LRRC4C: variants seen among roughly 807,000 people sequenced by gnomAD.
LRRC4C encodes the protein leucine rich repeat containing 4C.
Under a neutral mutation model 33.6 loss-of-function variants are expected in LRRC4C, and 5 were observed. The ratio of observed to expected loss-of-function variants is 0.15; its 90% CI spans 0.08 to 0.31. The LOEUF (loss-of-function observed/expected upper bound fraction) is 0.31, where lower values mean the gene tolerates loss of function less well. Ranked by LOEUF, LRRC4C falls within the 10% of genes least tolerant of loss-of-function variation. The probability of loss-of-function intolerance (pLI) is 1.00; values close to 1 mark genes in which losing one functional copy is unlikely to be tolerated. For synonymous variants in LRRC4C, 329 were observed against 302.0 expected (o/e 1.09, Z -0.93); for missense variants, 560 against 796.7 (o/e 0.70, Z 3.58).
intron 4 of LRRC4C, among the ~76,000 whole-genome samples, chr11:40,250,195 C>T (rs1036970300): frequency 6.6e-6 from 1 of 152,182 alleles, no homozygotes; most frequent in Non-Finnish European, 1.5e-5. Flanking sequence ...ATGACTGTTA[C>T]ATCTTCAGTG....
At chr11:40,958,282 T>C (rs193106859) in intron 1 of LRRC4C, among the ~76,000 whole-genome samples, 1 of 151,920 alleles carries the variant, frequency 6.6e-6, no homozygotes, top group African/African-American at 2.4e-5. Flanking sequence ...CTTTATGCTC[T>C]CACTTTTTTC....
intron 3 of LRRC4C, among the ~76,000 whole-genome samples, chr11:40,356,440 G>A (rs967444978): frequency 6.6e-6 from 1 of 152,152 alleles, no homozygotes; most frequent in African/African-American, 2.4e-5. Context: ...ATTATTCTAT[G>A]ATGTTGTTAT....
intron 1 of LRRC4C, among the ~76,000 whole-genome samples, chr11:40,964,980 C>G (rs1382277410): frequency 1.3e-5 from 2 of 152,088 alleles, no homozygotes; most frequent in Admixed American, 1.3e-4. Flanking sequence ...AGTTTACAGT[C>G]CCACCAACAG....
chr11:41,201,041 T>C (rs1287519258), intron 1 of LRRC4C, among the ~76,000 whole-genome samples: 1 of 152,200 alleles, frequency 6.6e-6, no homozygotes, highest in East Asian at 1.9e-4. Flanking sequence ...TCCAATGTTT[T>C]AAGATGGAGA....
At chr11:41,386,971 A>G (rs1953384744) in intron 1 of LRRC4C, among the ~76,000 whole-genome samples, 1 of 151,750 alleles carries the variant, frequency 6.6e-6, no homozygotes, top group Non-Finnish European at 1.5e-5. Flanking sequence ...TATAGCATTC[A>G]ATTTTTTAGA....
chr11:41,173,539 C>T (rs1945067783), intron 1 of LRRC4C, among the ~76,000 whole-genome samples: 1 of 152,134 alleles, frequency 6.6e-6, no homozygotes, highest in South Asian at 2.1e-4. Context: ...TGCTGTTGCT[C>T]TTACTTCAAG....
intron 1 of LRRC4C, among the ~76,000 whole-genome samples, chr11:41,226,077 T>C (rs1590989603): frequency 6.6e-6 from 1 of 152,312 alleles, no homozygotes; most frequent in Non-Finnish European, 1.5e-5. Flanking sequence ...CAACTGTGAC[T>C]ATAGCTTGTA....
chr11:41,258,477 A>T (rs572602393), intron 1 of LRRC4C, among the ~76,000 whole-genome samples: 1 of 152,036 alleles, frequency 6.6e-6, no homozygotes. Context: ...ATATTATCTC[A>T]TGACATAAGA....
chr11:41,197,954 T>C (rs1946250697), intron 1 of LRRC4C, among the ~76,000 whole-genome samples: 1 of 151,956 alleles, frequency 6.6e-6, no homozygotes, highest in African/African-American at 2.4e-5. Flanking sequence ...GTCACTGCCA[T>C]CACCCCTGTT....
At chr11:40,914,761 C>T (rs1956866974) in intron 2 of LRRC4C, among the ~76,000 whole-genome samples, 1 of 152,200 alleles carries the variant, frequency 6.6e-6, no homozygotes, top group East Asian at 1.9e-4. Flanking sequence ...TCAAATTGTC[C>T]CTGTTTGCAG....
chr11:41,035,751 G>C (rs1378495287), intron 1 of LRRC4C, among the ~76,000 whole-genome samples: 3 of 152,024 alleles, frequency 2.0e-5, no homozygotes, highest in African/African-American at 7.2e-5. Context: ...TGAAACCAAA[G>C]AGCTAAGTAT....
intron 1 of LRRC4C, among the ~76,000 whole-genome samples, chr11:41,389,769 A>T (rs529333204): frequency 6.6e-6 from 1 of 151,986 alleles, no homozygotes; most frequent in Non-Finnish European, 1.5e-5. Flanking sequence ...GGGCAAACAC[A>T]TAACCAAGGC....
At chr11:41,193,235 C>T (rs1946038348) in intron 1 of LRRC4C, among the ~76,000 whole-genome samples, 1 of 152,080 alleles carries the variant, frequency 6.6e-6, no homozygotes, top group Non-Finnish European at 1.5e-5. Flanking sequence ...AGTACCTCTC[C>T]AGAAAGGAAT....
chr11:41,341,840 C>A (rs746228512), intron 1 of LRRC4C, among the ~76,000 whole-genome samples: 7 of 152,186 alleles, frequency 4.6e-5, no homozygotes, highest in Admixed American at 1.3e-4. Context: ...TATTTTCCTA[C>A]TAGTAAATAA....
chr11:41,415,861 A>G (rs1954659090), intron 1 of LRRC4C, among the ~76,000 whole-genome samples: 1 of 152,140 alleles, frequency 6.6e-6, no homozygotes, highest in South Asian at 2.1e-4. Flanking sequence ...GAATGAGAAT[A>G]TAGACTGCTT....
chr11:40,704,430 C>A (rs1282043852), intron 2 of LRRC4C, among the ~76,000 whole-genome samples: 2 of 152,160 alleles, frequency 1.3e-5, no homozygotes, highest in African/African-American at 4.8e-5. Context: ...CTTTTGACTT[C>A]TTGGTTCCTT....
chr11:40,481,426 C>T (rs1277589793), intron 3 of LRRC4C, among the ~76,000 whole-genome samples: 1 of 152,076 alleles, frequency 6.6e-6, no homozygotes, highest in East Asian at 1.9e-4. Flanking sequence ...AACACTATTT[C>T]AGTGCTTAAC....
At chr11:40,341,360 T>C (rs1474818714) in intron 3 of LRRC4C, among the ~76,000 whole-genome samples, 1 of 152,164 alleles carries the variant, frequency 6.6e-6, no homozygotes. Context: ...TCTTTGCTGT[T>C]GTGAATAGTG....
chr11:41,455,912 C>T (rs1211544068), intron 1 of LRRC4C, among the ~76,000 whole-genome samples: 1 of 152,066 alleles, frequency 6.6e-6, no homozygotes, highest in African/African-American at 2.4e-5. Flanking sequence ...AATTTTAACC[C>T]CAGCCTCCAC....
Sources: allele counts gnomAD v4.1 joint callset (sites outside exome capture counted in the v4.1 genomes callset), GRCh38; gene constraint gnomAD v4.1.1; transcripts MANE v1.5; gene names NCBI Gene and HGNC (gene_info 2026-07-23, HGNC 2026-07-21).